Variants in PCSK2 observed in about 807,000 individuals in gnomAD.
The protein encoded by PCSK2 is proprotein convertase subtilisin/kexin type 2, also known as neuroendocrine convertase 2.
PCSK2 carries 14 observed loss-of-function variants against 69.7 expected under a neutral mutation model. That is an observed-to-expected ratio of 0.20 (90% confidence interval 0.13 to 0.31). The LOEUF is 0.31. Among genes scored for constraint, PCSK2 ranks in the 10% least tolerant of loss-of-function variants. The pLI, the probability that PCSK2 is intolerant of heterozygous loss-of-function variation, is 1.00. For synonymous variants in PCSK2, 307 were observed against 320.7 expected (o/e 0.96, Z 0.46); for missense variants, 544 against 842.5 (o/e 0.65, Z 4.39).
chr20:17,453,945 C>G lies in PCSK2; in HGVS notation c.1089C>G (p.Pro363=). Residue 363 remains proline, a synonymous_variant, in exon 9 of 12, where the codon CCC becomes CCG. Transcript: ENST00000262545. The surrounding 1 kb of genome is among the most constrained non-coding windows in gnomAD (Gnocchi z 4.0). ...STFSNGRKRN[P]EAGVATTDLY... ...TCAGCAACGGGAGGAAAAGGAACCC[C>G]GAGGCCGGTGTGGTGAGCACGTCCC... 2 of 1,614,204 alleles carry G rather than the reference C, an allele frequency of 1.2e-6. No homozygotes were observed. The highest frequency in any genetic ancestry group is 8.5e-7 in the Non-Finnish European group (1 of 1,180,038).
intron 2 of PCSK2, among the ~76,000 whole-genome samples, chr20:17,334,367 T>C (rs1990289526): frequency 6.6e-6 from 1 of 152,148 alleles, no homozygotes; most frequent in Admixed American, 6.5e-5. Flanking sequence ...GAAATGAGCA[T>C]GGTACAATGA....
intron 1 of PCSK2, among the ~76,000 whole-genome samples, chr20:17,243,650 C>T (rs575826920): frequency 3.3e-5 from 5 of 152,252 alleles, no homozygotes; most frequent in South Asian, 2.1e-4. Context: ...GTCACTATTA[C>T]GTAGGTGAGA....
chr20:17,439,284 T>C (rs2032550408), intron 8 of PCSK2, among the ~76,000 whole-genome samples: 1 of 152,206 alleles, frequency 6.6e-6, no homozygotes, highest in Middle Eastern at 3.4e-3. Context: ...TACAGGTGCA[T>C]GATACCATGC....
intron 2 of PCSK2, among the ~76,000 whole-genome samples, chr20:17,353,233 C>A (rs534736526): frequency 2.8e-5 from 4 of 143,546 alleles, no homozygotes; most frequent in African/African-American, 1.1e-4. Flanking sequence ...GAGGCCAAGG[C>A]GGGCGGATCA....
chr20:17,309,713 G>A (rs937614340), intron 2 of PCSK2, among the ~76,000 whole-genome samples: 2 of 152,090 alleles, frequency 1.3e-5, no homozygotes, highest in African/African-American at 4.8e-5. Flanking sequence ...TGCTACTCGG[G>A]AGGATGAGGC....
chr20:17,469,547 T>TA (rs778449318), intron 11 of PCSK2, among the ~76,000 whole-genome samples: 3,119 of 139,972 alleles, frequency 0.022, 94 homozygotes, highest in African/African-American at 0.068. Context: ...CCAGAAAGGA[T>TA]AAAAAAAAAA....
chr20:17,423,878 T>C (rs2032187731), intron 6 of PCSK2, among the ~76,000 whole-genome samples: 1 of 152,152 alleles, frequency 6.6e-6, no homozygotes, highest in Admixed American at 6.5e-5. Context: ...TTGCTAGTGA[T>C]GAGGAAATGC....
intron 1 of PCSK2, among the ~76,000 whole-genome samples, chr20:17,235,506 C>A (rs1986306193): frequency 6.6e-6 from 1 of 152,120 alleles, no homozygotes; most frequent in African/African-American, 2.4e-5. Context: ...TATACAGAAT[C>A]ACTATTGGAA....
chr20:17,365,096 T>C (rs1276086274), intron 4 of PCSK2, among the ~76,000 whole-genome samples: 2 of 152,198 alleles, frequency 1.3e-5, no homozygotes, highest in African/African-American at 2.4e-5. Flanking sequence ...GACTAGGTCA[T>C]TTATAAATAA....
intron 6 of PCSK2, among the ~76,000 whole-genome samples, chr20:17,409,662 A>C (rs1269639849): frequency 3.3e-5 from 5 of 152,330 alleles, no homozygotes; most frequent in Non-Finnish European, 7.4e-5. Context: ...ATTTTGCTTT[A>C]TGTGTTGAAA....
At chr20:17,306,526 AAAAGTTT>A (rs1271371988) in intron 2 of PCSK2, among the ~76,000 whole-genome samples, 1 of 152,216 alleles carries the variant, frequency 6.6e-6, no homozygotes, top group Non-Finnish European at 1.5e-5. Context: ...TATAACATGT[AAAAGTTT>A]GACCAGGCCT....
In PCSK2 at chr20:17,227,397, C is replaced by T. The variant is rs1985964001; in HGVS notation, c.92C>T (p.Thr31Met). 1 of 1,613,578 alleles carries T rather than the reference C, an allele frequency of 6.2e-7. No homozygotes were observed. Residue 31 changes from threonine (T) to methionine (M), a missense_variant, in exon 1 of 12, where the codon ACG becomes ATG. Physicochemically the swap from Thr to Met is moderately conservative, Grantham distance 81. Transcript: ENST00000262545. Reference sequence around the variant, plus strand: ...GCATCTGCTGAGCGACCGGTCTTCACGAATCATTTTCTTGTGGAGTTGCAT... The same window carrying T: ...GCATCTGCTGAGCGACCGGTCTTCATGAATCATTTTCTTGTGGAGTTGCAT... ...VFASAERPVF[T>M]NHFLVELHKG... is the part of the protein sequence containing the mutation.
intron 2 of PCSK2, among the ~76,000 whole-genome samples, chr20:17,354,614 C>G (rs1045788349): frequency 6.6e-6 from 1 of 152,124 alleles, no homozygotes; most frequent in Non-Finnish European, 1.5e-5. Flanking sequence ...GGAAAACAAT[C>G]TAAATGACTA....
chr20:17,227,273 C>A lies in PCSK2; in HGVS notation c.-33C>A. 2.5e-6 allele frequency: 4 copies of A among 1,586,124 alleles called. No individual in the cohort carries two copies. The highest frequency in any genetic ancestry group is 3.5e-6 in the Non-Finnish European group (4 of 1,156,648). On this transcript the variant is annotated 5_prime_UTR_variant, in exon 1 of 12. Transcript: ENST00000262545. Reference sequence around the variant, plus strand: ...GTCCCCTGCTCCGCCAGCCTGCGCGCCTCCTAGCACCACTTTTCACTCCCA... The same window carrying A: ...GTCCCCTGCTCCGCCAGCCTGCGCGACTCCTAGCACCACTTTTCACTCCCA...
At chr20:17,282,375 G>T (rs774428882) in intron 2 of PCSK2, among the ~76,000 whole-genome samples, 4 of 152,122 alleles carry the variant, frequency 2.6e-5, no homozygotes, top group South Asian at 4.1e-4. Context: ...CTCTTAGTCT[G>T]CCATTTGCAC....
intron 5 of PCSK2, among the ~76,000 whole-genome samples, chr20:17,393,069 G>C (rs1227533189): frequency 6.6e-6 from 1 of 152,134 alleles, no homozygotes; most frequent in Non-Finnish European, 1.5e-5. Flanking sequence ...TTCTTACTTG[G>C]ATAGCCTTGG....
chr20:17,354,240 T>G (rs1355933223), intron 2 of PCSK2, among the ~76,000 whole-genome samples: 2 of 152,244 alleles, frequency 1.3e-5, no homozygotes, highest in Non-Finnish European at 2.9e-5. Flanking sequence ...TGTTTTTTAT[T>G]TGTACAAACG....
At chr20:17,370,380 C>G (rs1250245127) in intron 5 of PCSK2, among the ~76,000 whole-genome samples, 2 of 152,120 alleles carry the variant, frequency 1.3e-5, no homozygotes, top group Non-Finnish European at 2.9e-5. Flanking sequence ...GTTTCATGCA[C>G]TGGGCAACAA....
Position 17,236,411 on chromosome 20 carries a change from A to T in PCSK2, c.177+8929A>T, listed in dbSNP as rs191874307. ...AGATAGGTTACATATATTTAATTAC[A>T]TGTTTACTTATTTAATTACATAATT... On this transcript the variant is annotated intron_variant, in intron 1 of 11. Transcript: ENST00000262545. Among the ~76,000 whole-genome samples the T allele has an allele frequency of 3.6e-3, 551 of 152,218 alleles. 5 individuals are homozygous for T. The highest frequency in any genetic ancestry group is 0.012 in the African/African-American group (502 of 41,544).
Sources: allele counts gnomAD v4.1 joint callset (sites outside exome capture counted in the v4.1 genomes callset), GRCh38; gene constraint gnomAD v4.1.1; non-coding constraint Gnocchi (gnomAD v3.1); transcripts MANE v1.5; gene names NCBI Gene and HGNC (gene_info 2026-07-23, HGNC 2026-07-21).